Variants in DEFB114 observed in about 807,000 individuals in gnomAD.
The protein encoded by DEFB114 is beta-defensin 114.
Under a neutral mutation model 2.4 loss-of-function variants are expected in DEFB114, and 4 were observed. That is an observed-to-expected ratio of 1.67 (90% CI 0.82 to 3.82). DEFB114 has a LOEUF of 3.82. Ranked by LOEUF, DEFB114 falls within the 30% of genes most tolerant of loss-of-function variation. DEFB114 has a pLI of 0.01. For missense variants in DEFB114, 113 were observed against 85.8 expected (o/e 1.32, Z -1.25); for synonymous variants, 35 against 24.6 (o/e 1.42, Z -1.26).
chr6:49,960,451 G>A lies in DEFB114; in HGVS notation c.56-5C>T, dbSNP rs185638092. The A allele has an allele frequency of 2.4e-4, 374 of 1,575,166 alleles. 1 individual carries two copies. In the East Asian group the frequency reaches 4.4e-3, roughly 18 times the overall value. Reference sequence around the variant, plus strand: ...CATTCACCAAGGTACATGTGGCTACGGTAAAAGAAGAGTAACAGAAATTCT... The same window carrying A: ...CATTCACCAAGGTACATGTGGCTACAGTAAAAGAAGAGTAACAGAAATTCT... On this transcript the variant is annotated splice_region_variant and splice_polypyrimidine_tract_variant and intron_variant, in intron 1 of 1. Transcript: ENST00000322066.
At chr6:49,960,596 A>G (rs1405097586) in intron 1 of DEFB114, 150 bp from the exon 2 acceptor site, 2 of 648,932 alleles carry the variant, frequency 3.1e-6, no homozygotes, top group East Asian at 3.3e-5. Flanking sequence ...CCATGTATAT[A>G]TAACTATCTT....
At chr6:49,964,023 A>G in intron 1 of DEFB114, 28 bp downstream of exon 1, 1 of 1,504,924 alleles carries the variant, frequency 6.6e-7, no homozygotes. Flanking sequence ...GAAGTTTTAC[A>G]CAAATATAAC....
intron 1 of DEFB114, among the ~76,000 whole-genome samples, chr6:49,963,818 A>T (rs895336213): frequency 2.0e-5 from 3 of 149,960 alleles, no homozygotes; most frequent in African/African-American, 7.3e-5. Flanking sequence ...GTCCAAAAAA[A>T]TTGAAAGATG....
In DEFB114 at chr6:49,964,069, C is replaced by T. The variant is rs774924564; in HGVS notation, c.37G>A (p.Val13Met). 4 of 1,587,684 alleles carry T rather than the reference C, an allele frequency of 2.5e-6. No individual in the cohort carries two copies. Among genetic ancestry groups the T allele is most frequent in the Non-Finnish European group, 3.4e-6 (4 of 1,164,200 alleles). ...ATCTTACCTGGTAGAATGAAGGTCA[C>T]ATAACACAGAAAATGGAGATAGTAA... is the stretch of plus-strand genomic sequence containing the variant. ...IFYYLHFLCY[V>M]TFILPATCTL... The change falls in exon 1 of 2, where the codon GTG becomes ATG. Residue 13 changes from valine (V) to methionine (M), a missense_variant. Physicochemically the swap from Val to Met is conservative, Grantham distance 21. Coordinates refer to ENST00000322066, the MANE Select transcript of DEFB114 (RefSeq NM_001037499.2).
At chr6:49,961,642 T>TA (rs1452104790) in intron 1 of DEFB114, among the ~76,000 whole-genome samples, 2 of 150,714 alleles carry the variant, frequency 1.3e-5, no homozygotes, top group Non-Finnish European at 3.0e-5. Flanking sequence ...AAAAAGAAAA[T>TA]AAAACAAACT....
intron 1 of DEFB114, 120 bp from the exon 2 acceptor site, chr6:49,960,566 A>T: frequency 2.0e-6 from 2 of 1,008,874 alleles, no homozygotes; most frequent in South Asian, 4.0e-5. Flanking sequence ...AAAAAAATAA[A>T]TCCATGTATA....
At chr6:49,963,623 T>C (rs1773496399) in intron 1 of DEFB114, among the ~76,000 whole-genome samples, 1 of 150,042 alleles carries the variant, frequency 6.7e-6, no homozygotes, top group South Asian at 2.1e-4. Flanking sequence ...CAAAATATTT[T>C]CTAATATCCA....
At position 49,964,100 on chromosome 6, in the gene DEFB114, C is replaced by A; in HGVS notation, c.6G>T (p.Arg2Ser). Residue 2 changes from arginine to serine, a missense_variant, in exon 1 of 2, where the codon AGG (arginine) becomes AGT (serine). Transcript: ENST00000322066. M[R>S]IFYYLHFLCY... ...ACAGAAAATGGAGATAGTAAAAGATCCTCATTCTGTAGAAAGAAGTTGTTG... is the reference window on the plus strand; with the variant it reads ...ACAGAAAATGGAGATAGTAAAAGATACTCATTCTGTAGAAAGAAGTTGTTG... The A allele has an allele frequency of 6.3e-7, 1 of 1,583,108 alleles. No individual in the cohort carries two copies. Among genetic ancestry groups the A allele is most frequent in the South Asian group, 1.1e-5 (1 of 86,966 alleles).
At chr6:49,961,582 T>C (rs1222419269) in intron 1 of DEFB114, among the ~76,000 whole-genome samples, 3 of 150,816 alleles carry the variant, frequency 2.0e-5, no homozygotes, top group Non-Finnish European at 3.0e-5. Context: ...AAGTGTGTAA[T>C]AGAAACAGCA....
chr6:49,961,793 T>A (rs1773464920), intron 1 of DEFB114, among the ~76,000 whole-genome samples: 1 of 150,780 alleles, frequency 6.6e-6, no homozygotes. Context: ...CTTTCACTCT[T>A]TCAGTTAAAA....
intron 1 of DEFB114, 52 bp downstream of exon 1, chr6:49,963,999 T>C: frequency 7.6e-7 from 1 of 1,315,406 alleles, no homozygotes. Context: ...ATTTATTATT[T>C]CTATTTCTAG....
rs369355970 is a variant in DEFB114 at position 49,961,051 on chromosome 6, A to G, written c.56-605T>C. Among the ~76,000 whole-genome samples, 4 of 150,930 alleles carry G rather than the reference A, an allele frequency of 2.7e-5. No individual in the cohort carries two copies. In the East Asian group the frequency reaches 5.8e-4, roughly 22 times the overall value. ...AATTTTTTAAAATTAATAAGTTCAT[A>G]AGAATTTTAAAAATATATTGTGGAT... On this transcript the variant is annotated intron_variant, in intron 1 of 1. Transcript: ENST00000322066.
intron 1 of DEFB114, among the ~76,000 whole-genome samples, chr6:49,961,708 G>A (rs1240484411): frequency 6.6e-6 from 1 of 150,620 alleles, no homozygotes; most frequent in Admixed American, 6.6e-5. Context: ...AAACATTAAG[G>A]ACCTATGTAA....
In DEFB114 at chr6:49,960,402, C is replaced by G. The variant is rs533824519; in HGVS notation, c.100G>C (p.Gly34Arg). ...VNADRCTKRY[G>R]RCKRDCLESE... ...TCAAGACAGTCTCTTTTACAACGACCGTAACGTTTGGTGCAACGATCAGCA... is the reference window on the plus strand; with the variant it reads ...TCAAGACAGTCTCTTTTACAACGACGGTAACGTTTGGTGCAACGATCAGCA... Residue 34 changes from glycine (G) to arginine (R), a missense_variant, in exon 2 of 2, where the codon GGT (glycine) becomes CGT (arginine). Coordinates refer to ENST00000322066, the MANE Select transcript of DEFB114 (RefSeq NM_001037499.2). 1.9e-6 allele frequency: 3 copies of G among 1,607,256 alleles called. No homozygotes were observed. The highest frequency in any genetic ancestry group is 2.6e-6 in the Non-Finnish European group (3 of 1,176,016).
Position 49,964,111 on chromosome 6 carries a change from A to G in DEFB114, c.-6T>C, listed in dbSNP as rs1288667074. 1 of 1,579,208 alleles carries G rather than the reference A, an allele frequency of 6.3e-7. No individual in the cohort carries two copies. The highest frequency in any genetic ancestry group is 1.8e-5 in the Admixed American group (1 of 56,806). ...AGATAGTAAAAGATCCTCATTCTGTAGAAAGAAGTTGTTGAAAGACTTGAT... is the reference window on the plus strand; with the variant it reads ...AGATAGTAAAAGATCCTCATTCTGTGGAAAGAAGTTGTTGAAAGACTTGAT... On this transcript the variant is annotated 5_prime_UTR_variant, in exon 1 of 2. Coordinates refer to ENST00000322066, the MANE Select transcript of DEFB114 (RefSeq NM_001037499.2).
chr6:49,960,271 T>C lies in DEFB114; in HGVS notation c.*21A>G. The stretch of plus-strand genomic sequence containing the variant: ...CACTGGTGCACATGTAACTTCTTTG[T>C]TCAGAGGTATGCCTTTCTTTTCAAA... On this transcript the variant is annotated 3_prime_UTR_variant, in exon 2 of 2. Coordinates refer to ENST00000322066, the MANE Select transcript of DEFB114 (RefSeq NM_001037499.2). 2.5e-6 allele frequency: 4 copies of C among 1,587,828 alleles called. No individual in the cohort carries two copies. Among genetic ancestry groups the C allele is most frequent in the South Asian group, 1.1e-5 (1 of 87,244 alleles).
intron 1 of DEFB114, among the ~76,000 whole-genome samples, chr6:49,961,914 T>C (rs1425846417): frequency 6.6e-6 from 1 of 150,764 alleles, no homozygotes; most frequent in Non-Finnish European, 1.5e-5. Context: ...ACTCACAATA[T>C]TGTATTTTGA....
intron 1 of DEFB114, among the ~76,000 whole-genome samples, chr6:49,963,576 G>C (rs1303341903): frequency 1.3e-5 from 2 of 149,462 alleles, no homozygotes; most frequent in Non-Finnish European, 3.0e-5. Flanking sequence ...ACCCTACTAT[G>C]AACTTTGATT....
chr6:49,963,538 G>A (rs1226023851), intron 1 of DEFB114, among the ~76,000 whole-genome samples: 1 of 149,372 alleles, frequency 6.7e-6, no homozygotes, highest in Non-Finnish European at 1.5e-5. Context: ...TTAGATATAT[G>A]GATATAACTA....
Sources: gnomAD v4.1 joint callset for allele counts (sites outside exome capture counted in the v4.1 genomes callset) on GRCh38, gnomAD v4.1.1 for gene constraint, MANE v1.5 for transcripts, NCBI Gene and HGNC (gene_info 2026-07-23, HGNC 2026-07-21) for gene names.